The following AMZ1 variants were observed in gnomAD, a reference collection of about 807,000 sequenced individuals.
AMZ1 encodes the protein archaelysin family metallopeptidase 1.
In AMZ1, 39 loss-of-function variants were observed where a neutral mutation model predicts 29.9. The observed-to-expected ratio is 1.30, with a 90% CI of 1.01 to 1.70. The LOEUF is 1.70. Among genes scored for constraint, AMZ1 ranks in the 40% most tolerant of loss-of-function variants. The pLI, the probability that AMZ1 is intolerant of heterozygous loss-of-function variation, is 0.00. For synonymous variants in AMZ1, 458 were observed against 304.0 expected, an observed-to-expected ratio of 1.51 and a Z score of -5.27; for missense variants, 1,041 against 680.6, an observed-to-expected ratio of 1.53 and a Z score of -5.89.
rs1583171885 is a variant in AMZ1 at position 2,708,581 on chromosome 7, C to A, written c.473-7C>A. ...CCTGACCCCATCCTCTGGCCCTCTC[C>A]CCGCAGACGGCATCCTGTCCTTCTT... On this transcript the variant is annotated splice_region_variant and splice_polypyrimidine_tract_variant and intron_variant, in intron 3 of 6. Transcript: ENST00000683327. 6.2e-7 allele frequency: 1 copy of A among 1,611,898 alleles called. No homozygotes were observed. The highest frequency in any genetic ancestry group is 8.5e-7 in the Non-Finnish European group (1 of 1,179,854).
chr7:2,718,155 T>A lies in AMZ1; in HGVS notation c.*5277T>A, dbSNP rs1789238972. On this transcript the variant is annotated 3_prime_UTR_variant, in exon 7 of 7. Coordinates refer to ENST00000683327, the MANE Select transcript of AMZ1 (RefSeq NM_001384743.1). ...CTCCCTCGATGCCTGCTCCCTGGGC[T>A]TTTTAATGAACGCACTTCTGTCACA... Among the ~76,000 whole-genome samples, 1 of 152,202 alleles carries A rather than the reference T, an allele frequency of 6.6e-6. No individual in the cohort carries two copies. The highest frequency in any genetic ancestry group is 2.4e-5 in the African/African-American group (1 of 41,454).
chr7:2,757,436 A>G (rs1184971436), intron 4 of AMZ1, among the ~76,000 whole-genome samples: 1 of 152,050 alleles, frequency 6.6e-6, no homozygotes, highest in Non-Finnish European at 1.5e-5. Context: ...AAGTGAGGGC[A>G]CCCCTAGGAG....
chr7:2,709,059 C>G lies in AMZ1; in HGVS notation c.602-16C>G, dbSNP rs188678758. 1.3e-6 allele frequency: 2 copies of G among 1,560,864 alleles called. No homozygotes were observed. The highest frequency in any genetic ancestry group is 8.7e-7 in the Non-Finnish European group (1 of 1,155,638). On this transcript the variant is annotated splice_polypyrimidine_tract_variant and intron_variant, in intron 4 of 6. Coordinates refer to ENST00000683327, the MANE Select transcript of AMZ1 (RefSeq NM_001384743.1). The stretch of plus-strand genomic sequence containing the variant: ...GGCTGACCCCTGAGAGTGCCCTTCT[C>G]TCCATCTCTCTCCAGAAGTGGGCGT...
At chr7:2,732,468 C>T (rs1032701917) in intron 4 of AMZ1, among the ~76,000 whole-genome samples, 4 of 152,242 alleles carry the variant, frequency 2.6e-5, no homozygotes, top group African/African-American at 9.6e-5. Flanking sequence ...ATCATTTGAA[C>T]CTAGGAGGTT....
At chr7:2,707,733 G>GC (rs1788445361) in intron 3 of AMZ1, among the ~76,000 whole-genome samples, 1 of 151,588 alleles carries the variant, frequency 6.6e-6, no homozygotes, top group Non-Finnish European at 1.5e-5. Flanking sequence ...CGTATCCTTG[G>GC]CTAATGGTCC....
At chr7:2,739,243 T>C (rs1208637299) in intron 4 of AMZ1, among the ~76,000 whole-genome samples, 2 of 152,202 alleles carry the variant, frequency 1.3e-5, no homozygotes, top group Non-Finnish European at 1.5e-5. Context: ...ACCTTCAAAA[T>C]GTTGTACGGC....
chr7:2,762,372 A>G (rs1791601805), upstream of AMZ1: 1 of 429,758 alleles, frequency 2.3e-6, no homozygotes, highest in Admixed American at 4.5e-5. Flanking sequence ...CAGACACGGT[A>G]TGGCGGTTCC....
chr7:2,735,940 T>C (rs1790150495), intron 4 of AMZ1, among the ~76,000 whole-genome samples: 1 of 152,132 alleles, frequency 6.6e-6, no homozygotes, highest in Non-Finnish European at 1.5e-5. Flanking sequence ...TCCAGAACGC[T>C]GTCACTCACA....
intron 3 of AMZ1, among the ~76,000 whole-genome samples, chr7:2,708,248 C>T (rs548509086): frequency 1.2e-4 from 18 of 152,302 alleles, no homozygotes; most frequent in East Asian, 3.9e-4. Context: ...AGGGCTGAGA[C>T]GTGGACTCTC....
intron 4 of AMZ1, among the ~76,000 whole-genome samples, chr7:2,740,482 C>T (rs1790445003): frequency 6.6e-6 from 1 of 152,178 alleles, no homozygotes; most frequent in Non-Finnish European, 1.5e-5. Context: ...GATGGTGCTG[C>T]CACCCAGATC....
chr7:2,731,623 C>T lies in AMZ1; in HGVS notation n.550+21807C>T. 3 of 1,613,802 alleles carry T rather than the reference C, an allele frequency of 1.9e-6. No homozygotes were observed. The highest frequency in any genetic ancestry group is 1.7e-6 in the Non-Finnish European group (2 of 1,179,922). On this transcript the variant is annotated intron_variant and non_coding_transcript_variant, in intron 4 of 4. Transcript: ENST00000489665. This position sits in a 1 kb window ranked among gnomAD's most constrained non-coding sequence, Gnocchi z 6.0. Reference sequence around the variant, plus strand: ...GTCGAAGCACTGGAACCACTTCTGGCGCTGGGACCGCTGGCCGCCCACATC... The same window carrying T: ...GTCGAAGCACTGGAACCACTTCTGGTGCTGGGACCGCTGGCCGCCCACATC...
chr7:2,743,918 A>C (rs533510650), intron 4 of AMZ1, among the ~76,000 whole-genome samples: 23 of 152,138 alleles, frequency 1.5e-4, no homozygotes, highest in African/African-American at 3.4e-4. Context: ...AGTCTTGCTC[A>C]TTGCTAGCAC....
intron 4 of AMZ1, among the ~76,000 whole-genome samples, chr7:2,751,167 T>C (rs916597335): frequency 1.3e-5 from 2 of 152,070 alleles, no homozygotes; most frequent in Non-Finnish European, 2.9e-5. Context: ...GCAGGTGGAC[T>C]GGTTGAGGTC....
At chr7:2,740,507 T>C (rs1207504389) in intron 4 of AMZ1, among the ~76,000 whole-genome samples, 1 of 152,134 alleles carries the variant, frequency 6.6e-6, no homozygotes, top group Non-Finnish European at 1.5e-5. Flanking sequence ...ATTTCCAATC[T>C]CCAGAGCTGT....
At chr7:2,705,951 G>A (rs75493491) in intron 3 of AMZ1, among the ~76,000 whole-genome samples, 1,788 of 152,360 alleles carry the variant, frequency 0.012, 34 homozygotes, top group African/African-American at 0.04. Flanking sequence ...TGACCTGTTG[G>A]TGCCAGGCCT....
At chr7:2,710,916 C>T (rs1309279589) in intron 6 of AMZ1, among the ~76,000 whole-genome samples, 1 of 152,222 alleles carries the variant, frequency 6.6e-6, no homozygotes, top group African/African-American at 2.4e-5. Flanking sequence ...TTAGTACCTT[C>T]CTGAGGCTGT....
intron 3 of AMZ1, among the ~76,000 whole-genome samples, chr7:2,703,385 C>T (rs1355977248): frequency 6.6e-6 from 1 of 152,192 alleles, no homozygotes; most frequent in South Asian, 2.1e-4. Context: ...AAGTGATCTG[C>T]CTGCCTCAGC....
chr7:2,708,482 G>T, intron 3 of AMZ1, 106 bp from the exon 4 acceptor site: 1 of 1,528,356 alleles, frequency 6.5e-7, no homozygotes, highest in South Asian at 1.2e-5. Context: ...CTTGGGAAGG[G>T]GCAGGGCCCA....
In AMZ1 at chr7:2,709,712, G is replaced by C. The variant is rs550426398; in HGVS notation, c.844G>C (p.Ala282Pro). 1.2e-6 allele frequency: 2 copies of C among 1,611,210 alleles called. No individual in the cohort carries two copies. Among genetic ancestry groups the C allele is most frequent in the African/African-American group, 2.7e-5 (2 of 75,002 alleles). The change falls in exon 6 of 7, where the codon GCG becomes CCG. Residue 282 changes from alanine to proline, a missense_variant. Coordinates refer to ENST00000683327, the MANE Select transcript of AMZ1 (RefSeq NM_001384743.1). ...CRWLRCLMQG[A>P]LSLDEALRRP... ...CTGGCTCCGCTGCCTCATGCAGGGTGCGCTCAGCCTGGACGAGGCCCTGCG... is the reference window on the plus strand; with the variant it reads ...CTGGCTCCGCTGCCTCATGCAGGGTCCGCTCAGCCTGGACGAGGCCCTGCG...
Sources: gnomAD v4.1 joint callset for allele counts (sites outside exome capture counted in the v4.1 genomes callset) on GRCh38, gnomAD v4.1.1 for gene constraint, Gnocchi (gnomAD v3.1) non-coding constraint, MANE v1.5 for transcripts, NCBI Gene and HGNC (gene_info 2026-07-23, HGNC 2026-07-21) for gene names.